Variants in ZBTB25 observed in about 807,000 individuals in gnomAD.
ZBTB25 encodes the protein zinc finger and BTB domain-containing protein 25.
Under a neutral mutation model 34.2 loss-of-function variants are expected in ZBTB25, and 20 were observed. The observed-to-expected ratio is 0.58, with a 90% CI of 0.41 to 0.85. The LOEUF (loss-of-function observed/expected upper bound fraction) is 0.85, where lower values mean the gene tolerates loss of function less well. Among genes scored for constraint, ZBTB25 ranks in the 40% least tolerant of loss-of-function variants. ZBTB25 has a pLI of 0.00. For synonymous variants in ZBTB25, 175 were observed against 186.4 expected (o/e 0.94, Z 0.50); for missense variants, 437 against 521.8 (o/e 0.84, Z 1.58).
intron 1 of ZBTB25, among the ~76,000 whole-genome samples, chr14:64,491,410 G>A (rs2079073395): frequency 6.6e-6 from 1 of 152,146 alleles, no homozygotes; most frequent in Non-Finnish European, 1.5e-5. Context: ...AGGCTGCAGT[G>A]AGCTGTGATC....
At chr14:64,502,713 G>T in intron 1 of ZBTB25, 1 of 985,600 alleles carries the variant, frequency 1.0e-6, no homozygotes, top group Non-Finnish European at 1.2e-6. Context: ...TCCTGGCATG[G>T]TGGAGAGTGC....
intron 1 of ZBTB25, among the ~76,000 whole-genome samples, chr14:64,493,294 G>C (rs1300154226): frequency 6.6e-6 from 1 of 152,180 alleles, no homozygotes; most frequent in African/African-American, 2.4e-5. Flanking sequence ...TAAAATTTTA[G>C]CTCTGCCATT....
intron 2 of ZBTB25, among the ~76,000 whole-genome samples, chr14:64,453,475 G>A (rs2078411509): frequency 6.6e-6 from 1 of 152,158 alleles, no homozygotes. Flanking sequence ...GGAGGCTGAG[G>A]CAGGAGAATC....
rs150568035 is a variant in ZBTB25, at chr14:64,453,526, G to A, written c.174-3888C>T. Among the ~76,000 whole-genome samples, 1,251 of 152,206 alleles carry A rather than the reference G, an allele frequency of 8.2e-3. 10 individuals carry two copies. Among genetic ancestry groups the A allele is most frequent in the Non-Finnish European group, 9.9e-3 (672 of 68,000 alleles). Reference sequence around the variant, plus strand: ...GCAGGGGTTACAGTGAACTGAGATCGCGCCATTGCACTCCAGCCTGGCAAC... The same window carrying A: ...GCAGGGGTTACAGTGAACTGAGATCACGCCATTGCACTCCAGCCTGGCAAC... On this transcript the variant is annotated intron_variant, in intron 2 of 2. Transcript: ENST00000555220.
At chr14:64,454,691 T>C in intron 2 of ZBTB25, 2 of 1,596,464 alleles carry the variant, frequency 1.3e-6, no homozygotes, top group Non-Finnish European at 1.7e-6. Flanking sequence ...CATCTTTTCA[T>C]TTGTCCTCCC....
intron 1 of ZBTB25, chr14:64,499,581 A>G (rs950894633): frequency 7.1e-5 from 10 of 141,148 alleles, no homozygotes; most frequent in Admixed American, 5.5e-4. Flanking sequence ...AAAAAAAGAA[A>G]AAGAAAAAAA....
chr14:64,476,908 AG>A (rs1276094410), downstream of ZBTB25, among the ~76,000 whole-genome samples: 1 of 152,212 alleles, frequency 6.6e-6, no homozygotes, highest in Non-Finnish European at 1.5e-5. Context: ...GATAATCACT[AG>A]GGTTCATCAA....
chr14:64,458,317 T>C, intron 2 of ZBTB25: 2 of 1,585,226 alleles, frequency 1.3e-6, no homozygotes, highest in Non-Finnish European at 1.7e-6. Context: ...GGTAAGTTGT[T>C]ACTGGGTAAT....
At chr14:64,497,370 CTATTTT>C (rs1421402430) in intron 1 of ZBTB25, among the ~76,000 whole-genome samples, 4 of 151,146 alleles carry the variant, frequency 2.6e-5, no homozygotes, top group Admixed American at 2.6e-4. Flanking sequence ...CTTTGACTGT[CTATTTT>C]ATTTTCTCTA....
Position 64,488,063 on chromosome 14 carries a change from A to G in ZBTB25, c.174-6T>C, listed in dbSNP as rs1417684169. The G allele has an allele frequency of 6.2e-7, 1 of 1,606,190 alleles. No individual in the cohort carries two copies. Among genetic ancestry groups the G allele is most frequent in the Non-Finnish European group, 8.5e-7 (1 of 1,174,902 alleles). ...GTTGTATTTTTATGCATTCACTGTTAAAAACAAAAACAGACCCACAAGAAA... is the reference window on the plus strand; with the variant it reads ...GTTGTATTTTTATGCATTCACTGTTGAAAACAAAAACAGACCCACAAGAAA... On this transcript the variant is annotated splice_region_variant and splice_polypyrimidine_tract_variant and intron_variant, in intron 2 of 2. Transcript: ENST00000608382.
intron 2 of ZBTB25, among the ~76,000 whole-genome samples, chr14:64,463,808 C>T (rs568171493): frequency 6.6e-6 from 1 of 152,184 alleles, no homozygotes; most frequent in East Asian, 1.9e-4. Flanking sequence ...CTGTCTTCAC[C>T]TAAATAAGCT....
intron 2 of ZBTB25, chr14:64,454,773 T>C: frequency 1.2e-6 from 2 of 1,614,104 alleles, no homozygotes; most frequent in Non-Finnish European, 1.7e-6. Context: ...TGTCTTTGTC[T>C]CACAACCCAG....
chr14:64,474,100 C>G (rs762744804), downstream of ZBTB25: 3 of 167,040 alleles, frequency 1.8e-5, no homozygotes, highest in African/African-American at 4.8e-5. Context: ...CAACAGAAAC[C>G]GGGTTGGGTT....
chr14:64,485,214 T>C lies in ZBTB25; in HGVS notation c.*1709A>G. On this transcript the variant is annotated 3_prime_UTR_variant, in exon 3 of 3. Coordinates refer to ENST00000608382, the MANE Select transcript of ZBTB25 (RefSeq NM_006977.5). The stretch of plus-strand genomic sequence containing the variant: ...GATTACTCTTTGAGCTCCCTCCTGA[T>C]TGGACGCTGATGCTGTTGAATGTGT... The C allele has an allele frequency of 2.0e-6, 2 of 985,464 alleles. No individual in the cohort carries two copies. Among genetic ancestry groups the C allele is most frequent in the Non-Finnish European group, 2.4e-6 (2 of 829,930 alleles). 61.0% of individuals were successfully genotyped at this position (985,464 alleles called of 1,614,324 possible).
chr14:64,468,285 G>T (rs925316593), intron 2 of ZBTB25: 114 of 1,019,014 alleles, frequency 1.1e-4, no homozygotes, highest in Non-Finnish European at 1.5e-4. Context: ...GTATGAATAT[G>T]CCTGGAAGAA....
intron 2 of ZBTB25, chr14:64,462,740 TTG>T (rs1241022262): frequency 6.6e-6 from 1 of 152,172 alleles, no homozygotes; most frequent in Non-Finnish European, 1.5e-5. Flanking sequence ...ACTATTGAGT[TTG>T]TGTTGGCTCT....
intron 2 of ZBTB25, chr14:64,469,633 T>C (rs1566587642): frequency 6.2e-7 from 1 of 1,606,286 alleles, no homozygotes; most frequent in Non-Finnish European, 8.5e-7. Context: ...AGCTGGTTAA[T>C]GAAATGGCCT....
In ZBTB25 at chr14:64,486,151, AATTAGCTGG is replaced by A; in HGVS notation, c.*763_*771del. ...CGTCTCTACTAAAAAAATACAAAAAAATTAGCTGGGCGTGGTGGCGGGCGCCTGTAGTCC... is the reference window on the plus strand; with the variant it reads ...CGTCTCTACTAAAAAAATACAAAAAAGCGTGGTGGCGGGCGCCTGTAGTCC... On this transcript the variant is annotated 3_prime_UTR_variant, in exon 3 of 3. Coordinates refer to ENST00000608382, the MANE Select transcript of ZBTB25 (RefSeq NM_006977.5). 1 of 678,902 alleles carries A rather than the reference AATTAGCTGG, an allele frequency of 1.5e-6. No homozygotes were observed. Among genetic ancestry groups the A allele is most frequent in the Non-Finnish European group, 1.8e-6 (1 of 550,484 alleles). 42.1% of individuals were successfully genotyped at this position (678,902 alleles called of 1,614,324 possible). A position where few individuals can be genotyped will look rare whatever the true frequency, so the allele number is the denominator to read the frequency against.
chr14:64,504,671 C>T (rs2079608469), upstream of ZBTB25: 1 of 352,916 alleles, frequency 2.8e-6, no homozygotes, highest in East Asian at 4.1e-5. Context: ...GGCTGGCGGA[C>T]GCCGCAGCGA....
Sources: gnomAD v4.1 joint callset for allele counts (sites outside exome capture counted in the v4.1 genomes callset) on GRCh38, gnomAD v4.1.1 for gene constraint, MANE v1.5 for transcripts, NCBI Gene and HGNC (gene_info 2026-07-23, HGNC 2026-07-21) for gene names.